Variants in RGS11 observed in about 807,000 individuals in gnomAD.
RGS11 encodes the protein regulator of G-protein signaling 11.
A neutral mutation model predicts 71.1 loss-of-function variants in RGS11; 86 were observed. The ratio of observed to expected loss-of-function variants is 1.21; its 90% CI spans 1.02 to 1.45. RGS11 has a LOEUF of 1.45. RGS11 is among the 40% of genes most tolerant of loss of function. The probability of loss-of-function intolerance (pLI) is 0.00; values close to 1 mark genes in which losing one functional copy is unlikely to be tolerated. For synonymous variants in RGS11, 298 were observed against 254.2 expected (o/e 1.17, Z -1.64); for missense variants, 734 against 635.1 (o/e 1.16, Z -1.67).
chr16:275,513 T>C lies in RGS11; in HGVS notation c.64-15A>G. 6.5e-7 allele frequency: 1 copy of C among 1,544,006 alleles called. No homozygotes were observed. Among genetic ancestry groups the C allele is most frequent in the Non-Finnish European group, 8.7e-7 (1 of 1,149,660 alleles). ...ACCCGCTCCATCTGGGCGGAGGGAG[T>C]CGTCAGGGGGTGTCTGGCCGCCCCG... On this transcript the variant is annotated splice_polypyrimidine_tract_variant and intron_variant, in intron 1 of 16. Transcript: ENST00000397770.
chr16:273,545 T>G lies in RGS11; in HGVS notation c.518A>C (p.Gln173Pro), dbSNP rs751624685. 6 of 1,560,190 alleles carry G rather than the reference T, an allele frequency of 3.8e-6. No individual in the cohort carries two copies. In the African/African-American group the frequency reaches 8.1e-5, roughly 21 times the overall value. The change falls in exon 8 of 17, where the codon CAG (glutamine) becomes CCG (proline). Residue 173 changes from glutamine to proline, a missense_variant. Physicochemically the swap from Gln to Pro is moderately conservative, Grantham distance 76. Coordinates refer to ENST00000397770, the MANE Select transcript of RGS11 (RefSeq NM_183337.3). ...GACCAGCCTGTCCCCCTTGCTGCGC[T>G]GCTTGGCTGCCCTGGGAGGAGGAGG... ...QAREQLRAAKQRSKGDRLVIA... is the reference protein window; with the variant it reads ...QAREQLRAAKPRSKGDRLVIA...
chr16:274,967 G>T lies in RGS11; in HGVS notation c.318+9C>A. The stretch of plus-strand genomic sequence containing the variant: ...CCCACCGGCTCCCACCTGCACCCCC[G>T]AGCCTGACCTGGAACCTGTAGGGCG... On this transcript the variant is annotated intron_variant, in intron 4 of 16. Transcript: ENST00000397770. 6.5e-7 allele frequency: 1 copy of T among 1,542,122 alleles called. No homozygotes were observed. The highest frequency in any genetic ancestry group is 8.8e-7 in the Non-Finnish European group (1 of 1,142,312).
chr16:270,441 C>G (rs528425314), intron 15 of RGS11, 82 bp downstream of exon 15: 1 of 1,462,112 alleles, frequency 6.8e-7, no homozygotes, highest in South Asian at 1.3e-5. Flanking sequence ...AGTGCCTGTG[C>G]GGACAGAGCC....
Position 268,961 on chromosome 16 carries a change from A to G in RGS11, c.*308T>C, listed in dbSNP as rs1207958652. The G allele has an allele frequency of 6.5e-7, 1 of 1,548,648 alleles. No homozygotes were observed. The highest frequency in any genetic ancestry group is 1.4e-5 in the African/African-American group (1 of 73,004). On this transcript the variant is annotated 3_prime_UTR_variant, in exon 17 of 17. Transcript: ENST00000397770. ...GGCACCCAGTGCTGGACTGAAGACC[A>G]GAGAAGGTGGAGCTCCCTGTGGCCT...
In RGS11 at chr16:275,041, T is replaced by G. The variant is rs967120693; in HGVS notation, c.253A>C (p.Ile85Leu). The G allele has an allele frequency of 1.3e-4, 201 of 1,499,766 alleles. No individual in the cohort carries two copies. Among genetic ancestry groups the G allele is most frequent in the Non-Finnish European group, 1.8e-4 (199 of 1,121,568 alleles). The allele number at this position is 1,499,766 out of a possible 1,614,324, so 92.9% of individuals were successfully genotyped here. ...CTACGGGGGTCGCGCAGCGGGTAGATGTAGCCATGCTGCACCAGGACGGCG... is the reference window on the plus strand; with the variant it reads ...CTACGGGGGTCGCGCAGCGGGTAGAGGTAGCCATGCTGCACCAGGACGGCG... ...LGAVLVQHGY[I>L]YPLRDPRSLM... Residue 85 changes from isoleucine (I) to leucine (L), a missense_variant, in exon 4 of 17, where the codon ATC (isoleucine) becomes CTC (leucine). Physicochemically the swap from Ile to Leu is conservative, Grantham distance 5. Transcript: ENST00000397770.
In RGS11 at chr16:274,966, C is replaced by A. The variant is rs1292056980; in HGVS notation, c.318+10G>T. ...TCCCACCGGCTCCCACCTGCACCCC[C>A]GAGCCTGACCTGGAACCTGTAGGGC... On this transcript the variant is annotated intron_variant, in intron 4 of 16. Coordinates refer to ENST00000397770, the MANE Select transcript of RGS11 (RefSeq NM_183337.3). 2.6e-6 allele frequency: 4 copies of A among 1,541,512 alleles called. No homozygotes were observed. Among genetic ancestry groups the A allele is most frequent in the South Asian group, 2.4e-5 (2 of 82,456 alleles).
Position 274,251 on chromosome 16 carries a change from C to A in RGS11, c.333G>T (p.Trp111Cys), listed in dbSNP as rs1242825753. 6.2e-7 allele frequency: 1 copy of A among 1,611,032 alleles called. No homozygotes were observed. Among genetic ancestry groups the A allele is most frequent in the Non-Finnish European group, 8.5e-7 (1 of 1,178,920 alleles). Residue 111 changes from tryptophan to cysteine, a missense_variant, in exon 5 of 17, where the codon TGG (tryptophan) becomes TGT (cysteine). Physicochemically the swap from Trp to Cys is radical, Grantham distance 215 (BLOSUM62 -2). Transcript: ENST00000397770. ...TPYRFQTPYFWTSTLRPAAEL... is the reference protein window; with the variant it reads ...TPYRFQTPYFCTSTLRPAAEL... ...CTGCAGCCGGCCTCAGGGTACTTGT[C>A]CAGAAGTACGGGGTCTGGCGTGGTG...
Position 268,562 on chromosome 16 carries a change from C to CAGG in RGS11, c.*706_*707insCCT. 1.7e-6 allele frequency: 1 copy of CAGG among 597,580 alleles called. No individual in the cohort carries two copies. 37.0% of individuals were successfully genotyped at this position (597,580 alleles called of 1,614,324 possible). A position where few individuals can be genotyped will look rare whatever the true frequency, so the allele number is the denominator to read the frequency against. ...GGATCAGGGACGCCTGGCAAGGATC[C>CAGG]ACCCTATGGAATCGGGCCTCGTCAG... On this transcript the variant is annotated 3_prime_UTR_variant, in exon 17 of 17. Transcript: ENST00000397770.
chr16:270,142 A>G (rs1227848070), intron 15 of RGS11, among the ~76,000 whole-genome samples: 2 of 152,072 alleles, frequency 1.3e-5, no homozygotes, highest in African/African-American at 4.8e-5. Flanking sequence ...CCAGCTACTC[A>G]GGAGGCTGAG....
rs1325539432 is a variant in RGS11, at chr16:270,121, C to T, written c.1206+402G>A. On this transcript the variant is annotated intron_variant, in intron 15 of 16. Coordinates refer to ENST00000397770, the MANE Select transcript of RGS11 (RefSeq NM_183337.3). Reference sequence around the variant, plus strand: ...AAAATTAGCCGGGCGTGGTGGCGGGCGCCTGTAGTCCCAGCTACTCAGGAG... The same window carrying T: ...AAAATTAGCCGGGCGTGGTGGCGGGTGCCTGTAGTCCCAGCTACTCAGGAG... Among the ~76,000 whole-genome samples, 7 of 152,078 alleles carry T rather than the reference C, an allele frequency of 4.6e-5. No individual in the cohort carries two copies. The South Asian group carries it at 8.3e-4, about 18-fold the overall frequency.
chr16:275,230 C>T, intron 3 of RGS11, 53 bp downstream of exon 3: 1 of 1,610,222 alleles, frequency 6.2e-7, no homozygotes, highest in Non-Finnish European at 8.5e-7. Context: ...AAAACCCAGG[C>T]CTAGGCCACC....
rs573150619 is a variant in RGS11 at position 273,665 on chromosome 16, C to T, written c.506+95G>A. 3.2e-4 allele frequency: 486 copies of T among 1,515,108 alleles called. 3 individuals carry two copies. The African/African-American group carries it at 5.9e-3, about 19-fold the overall frequency. The allele number at this position is 1,515,108 out of a possible 1,614,324, so 93.9% of individuals were successfully genotyped here. A position where few individuals can be genotyped will look rare whatever the true frequency, so the allele number is the denominator to read the frequency against. On this transcript the variant is annotated intron_variant, in intron 7 of 16. Coordinates refer to ENST00000397770, the MANE Select transcript of RGS11 (RefSeq NM_183337.3). Reference sequence around the variant, plus strand: ...CAGCCACACCCAGGGGTGCCCTCCACGGTCCCAGGGCCACCGGAGCCTGGC... The same window carrying T: ...CAGCCACACCCAGGGGTGCCCTCCATGGTCCCAGGGCCACCGGAGCCTGGC...
chr16:275,661 CCGGGGAGGG>C, intron 1 of RGS11, 163 bp from the exon 2 acceptor site: 1 of 463,646 alleles, frequency 2.2e-6, no homozygotes, highest in Non-Finnish European at 3.2e-6. Flanking sequence ...CCGGGGAGGG[CCGGGGAGGG>C]CCGGGGAGAC....
intron 13 of RGS11, 55 bp from the exon 14 acceptor site, chr16:270,886 G>T (rs2051901157): frequency 6.3e-7 from 1 of 1,588,898 alleles, no homozygotes; most frequent in Admixed American, 1.8e-5. Flanking sequence ...GCCAGGGCCG[G>T]TGGGGGGTTC....
In RGS11 at chr16:272,947, G is replaced by A. The variant is rs1340919131; in HGVS notation, c.589-16C>T. ...GGGCCCCGGGCTGCGGAGGGGAGAC[G>A]AGATGAGGTGGGGATGCAGTTCCGG... On this transcript the variant is annotated splice_polypyrimidine_tract_variant and intron_variant, in intron 8 of 16. Coordinates refer to ENST00000397770, the MANE Select transcript of RGS11 (RefSeq NM_183337.3). 1.5e-5 allele frequency: 23 copies of A among 1,484,502 alleles called. No homozygotes were observed. Among genetic ancestry groups the A allele is most frequent in the Middle Eastern group, 1.8e-4 (1 of 5,698 alleles). The allele number at this position is 1,484,502 out of a possible 1,614,324, so 92.0% of individuals were successfully genotyped here.
rs757105096 is a variant in RGS11, at chr16:268,870, C to T, written c.*399G>A. On this transcript the variant is annotated 3_prime_UTR_variant, in exon 17 of 17. Coordinates refer to ENST00000397770, the MANE Select transcript of RGS11 (RefSeq NM_183337.3). ...GTCTTGTGACGGGTGTGTGGGAAGCCGCCCGCCTGTGCATCTTGCTTCCGG... is the reference window on the plus strand; with the variant it reads ...GTCTTGTGACGGGTGTGTGGGAAGCTGCCCGCCTGTGCATCTTGCTTCCGG... The T allele has an allele frequency of 5.0e-5, 78 of 1,550,268 alleles. No individual in the cohort carries two copies. Among genetic ancestry groups the T allele is most frequent in the Admixed American group, 5.9e-5 (3 of 50,994 alleles).
chr16:270,557 T>C lies in RGS11; in HGVS notation c.1172A>G (p.Asp391Gly). 1.2e-6 allele frequency: 2 copies of C among 1,608,724 alleles called. No individual in the cohort carries two copies. The highest frequency in any genetic ancestry group is 1.7e-6 in the Non-Finnish European group (2 of 1,178,110). ...LRQPHRYVLD[D>G]AQLHIYMLMK... ...GAGCATGTATATGTGCAGCTGGGCG[T>C]CATCCAGGACATAGCGGTGGGGCTG... Residue 391 changes from aspartate to glycine, a missense_variant, in exon 15 of 17, where the codon GAC becomes GGC. Transcript: ENST00000397770.
chr16:274,609 A>C (rs566686858), intron 4 of RGS11: 8 of 608,518 alleles, frequency 1.3e-5, no homozygotes, highest in Admixed American at 4.6e-5. Context: ...TCGGCCCGGG[A>C]CCCTGATGTG....
Position 268,514 on chromosome 16 carries a change from A to T in RGS11, c.*755T>A. On this transcript the variant is annotated 3_prime_UTR_variant, in exon 17 of 17. Coordinates refer to ENST00000397770, the MANE Select transcript of RGS11 (RefSeq NM_183337.3). ...GGGGGATGGGGAGCAAGGCCAGCTC[A>T]CGAAGGAAGACTTGGGCAGGGAGGA... The T allele has an allele frequency of 1.8e-6, 1 of 551,122 alleles. No individual in the cohort carries two copies. Among genetic ancestry groups the T allele is most frequent in the Non-Finnish European group, 3.3e-6 (1 of 306,282 alleles). 34.1% of individuals were successfully genotyped at this position (551,122 alleles called of 1,614,324 possible).
Sources: allele counts gnomAD v4.1 joint callset (sites outside exome capture counted in the v4.1 genomes callset), GRCh38; gene constraint gnomAD v4.1.1; transcripts MANE v1.5; gene names NCBI Gene and HGNC (gene_info 2026-07-23, HGNC 2026-07-21).